The following TC2N variants were observed in gnomAD, a reference collection of about 807,000 sequenced individuals.
TC2N encodes the protein tandem C2 domains, nuclear, also known as tandem C2 domains nuclear protein.
TC2N carries 51 observed loss-of-function variants against 61.9 expected under a neutral mutation model. That is an observed-to-expected ratio of 0.82 (90% CI 0.66 to 1.04). The LOEUF is 1.04. Among genes scored for constraint, TC2N ranks in the 50% least tolerant of loss-of-function variants. The probability of loss-of-function intolerance (pLI) is 0.00; values close to 1 mark genes in which losing one functional copy is unlikely to be tolerated. For missense variants in TC2N, 556 were observed against 566.7 expected (o/e 0.98, Z 0.19); for synonymous variants, 204 against 192.6 (o/e 1.06, Z -0.49).
At chr14:91,839,192 C>G (rs1342551494) in intron 1 of TC2N, among the ~76,000 whole-genome samples, 1 of 152,196 alleles carries the variant, frequency 6.6e-6, no homozygotes, top group African/African-American at 2.4e-5. Context: ...CCTCTCCAGC[C>G]TTATCTCCCA....
intron 1 of TC2N, among the ~76,000 whole-genome samples, chr14:91,831,051 G>T (rs1407708652): frequency 6.6e-6 from 1 of 152,158 alleles, no homozygotes; most frequent in Non-Finnish European, 1.5e-5. Flanking sequence ...AGTTTCCCCT[G>T]TTTAGCAAAT....
At chr14:91,790,553 ATC>A (rs2139827521) in intron 9 of TC2N, among the ~76,000 whole-genome samples, 1 of 152,306 alleles carries the variant, frequency 6.6e-6, no homozygotes, top group Non-Finnish European at 1.5e-5. Flanking sequence ...TATTTATAAA[ATC>A]TCTGATACAT....
chr14:91,827,565 G>A (rs1393110174), intron 1 of TC2N, among the ~76,000 whole-genome samples: 1 of 152,030 alleles, frequency 6.6e-6, no homozygotes, highest in Non-Finnish European at 1.5e-5. Context: ...AAAGACTCTT[G>A]CAATTACATT....
At chr14:91,862,339 C>CAAAAA (rs56816512) in intron 1 of TC2N, among the ~76,000 whole-genome samples, 8 of 106,444 alleles carry the variant, frequency 7.5e-5, no homozygotes, top group African/African-American at 2.0e-4. Context: ...GACTCTGTCT[C>CAAAAA]AAAAAAAAAA....
intron 1 of TC2N, among the ~76,000 whole-genome samples, chr14:91,847,118 C>T (rs886558227): frequency 2.6e-5 from 4 of 152,032 alleles, no homozygotes; most frequent in Non-Finnish European, 5.9e-5. Flanking sequence ...ATTAGCCAGG[C>T]GTTGTGGTGG....
At chr14:91,801,107 CTG>C (rs1257181401) in intron 4 of TC2N, among the ~76,000 whole-genome samples, 2 of 149,372 alleles carry the variant, frequency 1.3e-5, no homozygotes, top group Admixed American at 6.7e-5. Context: ...TCCTGAAAAA[CTG>C]AGAATTTTGT....
Position 91,844,534 on chromosome 14 carries a change from C to T in TC2N, c.-57+22728G>A, listed in dbSNP as rs373722678. On this transcript the variant is annotated intron_variant, in intron 1 of 11. Coordinates refer to ENST00000435962, the MANE Select transcript of TC2N (RefSeq NM_001128596.3). ...ATCTCAGCACTGTGGGAGGCCGAGG[C>T]GGGCAGATCATGAGGTTAAGAGATC... 2.5e-4 allele frequency among the ~76,000 whole-genome samples: 38 copies of T among 151,514 alleles called. No individual in the cohort carries two copies. In the East Asian group the frequency reaches 2.9e-3, roughly 12 times the overall value.
At chr14:91,784,250 T>C (rs1885256214) in intron 11 of TC2N, among the ~76,000 whole-genome samples, 1 of 152,164 alleles carries the variant, frequency 6.6e-6, no homozygotes, top group African/African-American at 2.4e-5. Flanking sequence ...CTCGATGATA[T>C]ACGAAAACTT....
At chr14:91,865,369 G>GT (rs34451913) in intron 1 of TC2N, among the ~76,000 whole-genome samples, 1,447 of 128,380 alleles carry the variant, frequency 0.011, 21 homozygotes, top group African/African-American at 0.032. Context: ...GAGCCTCTTG[G>GT]TTTTTTTTTT....
Position 91,785,245 on chromosome 14 carries a change from G to A in TC2N, c.1279C>T (p.Leu427Phe), listed in dbSNP as rs201731267. ...ACAATTTCTTTTTCACTCTGTATAA[G>A]TGGAAAAATCATAGTCTCTCCCCAC... The part of the protein sequence containing the change: ...VKWGETMIFP[L>F]IQSEKEIVFL... Residue 427 changes from leucine (L) to phenylalanine (F), a missense_variant, in exon 11 of 12, where the codon CTT (leucine) becomes TTT (phenylalanine). By Grantham distance (22) the Leu-to-Phe change is conservative (BLOSUM62 0). Coordinates refer to ENST00000435962, the MANE Select transcript of TC2N (RefSeq NM_001128596.3). 169 of 1,613,052 alleles carry A rather than the reference G, an allele frequency of 1.0e-4. No homozygotes were observed. The Middle Eastern group carries it at 2.0e-3, about 19-fold the overall frequency.
intron 3 of TC2N, among the ~76,000 whole-genome samples, chr14:91,804,560 TAC>T (rs1251364471): frequency 6.6e-6 from 1 of 152,210 alleles, no homozygotes; most frequent in African/African-American, 2.4e-5. Context: ...AATTATAATA[TAC>T]ACTTACTGTA....
intron 1 of TC2N, among the ~76,000 whole-genome samples, chr14:91,854,706 C>T (rs1888448660): frequency 6.6e-6 from 1 of 152,152 alleles, no homozygotes; most frequent in African/African-American, 2.4e-5. Flanking sequence ...AGCATTCAGA[C>T]ACAGGGGACA....
At chr14:91,821,476 T>C (rs950784326) in intron 1 of TC2N, among the ~76,000 whole-genome samples, 1 of 151,908 alleles carries the variant, frequency 6.6e-6, no homozygotes, top group African/African-American at 2.4e-5. Context: ...GATCCCTGCC[T>C]CCCACCATAT....
intron 1 of TC2N, chr14:91,836,591 G>GGGGAGGGGCGAGGCAAGGCT: frequency 6.8e-6 from 1 of 147,532 alleles, no homozygotes; most frequent in Non-Finnish European, 1.5e-5. Context: ...GAGGCAAGGC[G>GGGGAGGGGCGAGGCAAGGCT]GGGAGGGGCG....
Position 91,867,447 on chromosome 14 carries a change from G to A in TC2N, c.-242C>T, listed in dbSNP as rs1888726622. On this transcript the variant is annotated 5_prime_UTR_variant, in exon 1 of 12. Transcript: ENST00000435962. ...GGAGCCGAGCTGAGTGAGTCCCAAG[G>A]GAATCACCCTCTGTTTTATAAGCTT... The A allele has an allele frequency of 6.6e-6, 1 of 152,144 alleles. No individual in the cohort carries two copies. Among genetic ancestry groups the A allele is most frequent in the Admixed American group, 6.5e-5 (1 of 15,278 alleles). The allele number at this position is 152,144 out of a possible 1,614,324, so 9.4% of individuals were successfully genotyped here.
chr14:91,852,669 A>C (rs1016387797), intron 1 of TC2N, among the ~76,000 whole-genome samples: 1 of 152,214 alleles, frequency 6.6e-6, no homozygotes, highest in Non-Finnish European at 1.5e-5. Context: ...CCAGTAAACC[A>C]TACCATGTCA....
At chr14:91,823,297 G>A (rs570444859) in intron 1 of TC2N, among the ~76,000 whole-genome samples, 2 of 151,840 alleles carry the variant, frequency 1.3e-5, no homozygotes, top group Admixed American at 1.3e-4. Flanking sequence ...AAGGCGGGTG[G>A]ATCACCTAAG....
Position 91,790,112 on chromosome 14 carries a change from A to T in TC2N, c.1047+2255T>A, listed in dbSNP as rs552542441. 2.0e-5 allele frequency among the ~76,000 whole-genome samples: 3 copies of T among 152,344 alleles called. No individual in the cohort carries two copies. The South Asian group carries it at 6.2e-4, about 32-fold the overall frequency. ...AACGGATAAAGAACAACACGGTGAT[A>T]ATTAGATCATTAGATCACGTAGCAT... is the stretch of plus-strand genomic sequence containing the variant. On this transcript the variant is annotated intron_variant, in intron 9 of 11. Coordinates refer to ENST00000435962, the MANE Select transcript of TC2N (RefSeq NM_001128596.3).
At chr14:91,858,152 C>CTTTTTTTTT (rs56379239) in intron 1 of TC2N, among the ~76,000 whole-genome samples, 1 of 92,334 alleles carries the variant, frequency 1.1e-5, no homozygotes, top group Non-Finnish European at 2.1e-5. Flanking sequence ...TCTTCTTCTT[C>CTTTTTTTTT]TTTTTTTTTT....
Sources: allele counts gnomAD v4.1 joint callset (sites outside exome capture counted in the v4.1 genomes callset), GRCh38; gene constraint gnomAD v4.1.1; transcripts MANE v1.5; gene names NCBI Gene and HGNC (gene_info 2026-07-23, HGNC 2026-07-21).